NADK2: variants seen among roughly 807,000 people sequenced by gnomAD.
NADK2 encodes NAD kinase 2, mitochondrial, also known as NAD kinase domain-containing protein 1, mitochondrial.
NADK2 carries 35 observed loss-of-function variants against 62.1 expected under a neutral mutation model. The observed-to-expected ratio is 0.56, with a 90% CI of 0.43 to 0.75. NADK2 has a LOEUF of 0.75. NADK2 is among the 30% of genes least tolerant of loss of function. The pLI is 0.00. For missense variants in NADK2, 439 were observed against 561.3 expected, an observed-to-expected ratio of 0.78 and a Z score of 2.20; for synonymous variants, 205 against 207.9, an observed-to-expected ratio of 0.99 and a Z score of 0.12.
intron 6 of NADK2, among the ~76,000 whole-genome samples, chr5:36,213,872 T>C (rs1286644766): frequency 2.6e-5 from 4 of 152,084 alleles, no homozygotes; most frequent in South Asian, 2.1e-4. Flanking sequence ...ACCAGTAAAT[T>C]TGAGCTCTCA....
intron 9 of NADK2, 37 bp from the exon 10 acceptor site, chr5:36,200,317 A>AAT (rs372501096): frequency 1.1e-4 from 161 of 1,408,540 alleles, no homozygotes; most frequent in Middle Eastern, 2.1e-4. Context: ...GTATGTTATA[A>AAT]ATATATATAT....
chr5:36,202,975 CAA>C (rs1311768555), intron 8 of NADK2, among the ~76,000 whole-genome samples: 1 of 151,886 alleles, frequency 6.6e-6, no homozygotes, highest in Non-Finnish European at 1.5e-5. Context: ...ATATTGAAAG[CAA>C]AGACTAATTA....
chr5:36,226,257 A>G (rs1747478522), intron 3 of NADK2, among the ~76,000 whole-genome samples: 1 of 152,190 alleles, frequency 6.6e-6, no homozygotes, highest in Non-Finnish European at 1.5e-5. Context: ...AGTTAAATGC[A>G]TACCTTAAAT....
chr5:36,225,333 T>C (rs574599472), intron 4 of NADK2, among the ~76,000 whole-genome samples: 7 of 152,308 alleles, frequency 4.6e-5, no homozygotes, highest in Admixed American at 3.3e-4. Flanking sequence ...TGCTTCCACT[T>C]AGACACCATA....
intron 4 of NADK2, 38 bp from the exon 5 acceptor site, chr5:36,219,717 GA>G: frequency 6.5e-7 from 1 of 1,531,196 alleles, no homozygotes; most frequent in South Asian, 1.2e-5. Context: ...ATATAAAGAG[GA>G]AAAGAAAAAA....
chr5:36,213,100 T>C (rs796070405), intron 6 of NADK2: 2 of 152,370 alleles, frequency 1.3e-5, no homozygotes, highest in African/African-American at 4.8e-5. Flanking sequence ...AGCCATGTGA[T>C]GAGCTAAAAA....
intron 9 of NADK2, 94 bp from the exon 10 acceptor site, chr5:36,200,374 G>A: frequency 1.6e-6 from 1 of 610,778 alleles, no homozygotes; most frequent in Non-Finnish European, 2.4e-6. Flanking sequence ...TGCTTAAAGT[G>A]TATATGTGTT....
chr5:36,217,958 C>T, intron 5 of NADK2, 74 bp from the exon 6 acceptor site: 1 of 1,375,894 alleles, frequency 7.3e-7, no homozygotes, highest in East Asian at 2.5e-5. Context: ...AATAATTTAA[C>T]CAAATTAAAT....
chr5:36,195,135 G>A lies in NADK2; in HGVS notation c.*9C>T. On this transcript the variant is annotated 3_prime_UTR_variant, in exon 12 of 12. Coordinates refer to ENST00000381937, the MANE Select transcript of NADK2 (RefSeq NM_001085411.3). ...CGCCAGTAATCAAAATTTGTCATGA[G>A]GAAATCCTTCACTGTTCAAGAAGCA... 1 of 1,593,340 alleles carries A rather than the reference G, an allele frequency of 6.3e-7. No homozygotes were observed. Among genetic ancestry groups the A allele is most frequent in the African/African-American group, 1.4e-5 (1 of 73,638 alleles).
intron 2 of NADK2, among the ~76,000 whole-genome samples, chr5:36,227,247 T>C (rs1747516648): frequency 6.6e-6 from 1 of 152,174 alleles, no homozygotes; most frequent in Non-Finnish European, 1.5e-5. Flanking sequence ...AGAAGATGCA[T>C]TTCTCTGGAA....
At chr5:36,237,478 G>C (rs1044718872) in intron 1 of NADK2, among the ~76,000 whole-genome samples, 2 of 152,174 alleles carry the variant, frequency 1.3e-5, no homozygotes, top group Non-Finnish European at 2.9e-5. Context: ...ATTGATAACA[G>C]TTACTTCCAG....
At chr5:36,233,083 T>A (rs11952182) in intron 1 of NADK2, among the ~76,000 whole-genome samples, 1 of 152,208 alleles carries the variant, frequency 6.6e-6, no homozygotes. Flanking sequence ...CAGTCAGTAG[T>A]GAAGTCAAAT....
chr5:36,229,631 T>A (rs1198519224), intron 1 of NADK2, among the ~76,000 whole-genome samples: 3 of 151,728 alleles, frequency 2.0e-5, no homozygotes, highest in Non-Finnish European at 4.4e-5. Context: ...TTCACGGCTT[T>A]AAAAGAGATC....
In NADK2 at chr5:36,193,474, CAAAAAAAAAA is replaced by C. The variant is rs35678845; in HGVS notation, c.*1660_*1669del. On this transcript the variant is annotated 3_prime_UTR_variant, in exon 12 of 12. Transcript: ENST00000381937. ...GGGTGACAAAGCAAGACTCCGTTCT[CAAAAAAAAAA>C]AAAAAAAAAAAGAAGGTATTTTAAG... The C allele has an allele frequency of 5.0e-5, 3 of 60,434 alleles. No homozygotes were observed. The highest frequency in any genetic ancestry group is 6.7e-5 in the Non-Finnish European group (2 of 29,654). 3.7% of individuals were successfully genotyped at this position (60,434 alleles called of 1,614,324 possible). A position where few individuals can be genotyped will look rare whatever the true frequency, so the allele number is the denominator to read the frequency against.
intron 1 of NADK2, among the ~76,000 whole-genome samples, chr5:36,229,268 G>A (rs975825401): frequency 2.8e-4 from 43 of 152,248 alleles, no homozygotes; most frequent in African/African-American, 1.0e-3. Context: ...TTAATTAATA[G>A]ATGTTAACTT....
In NADK2 at chr5:36,205,423, G is replaced by A. The variant is rs183166917; in HGVS notation, c.956+1747C>T. ...ATTGAGCAAAAATAAAAAGCCAAGC[G>A]AGAACAAAAAGTGTGCTGAGAATTG... On this transcript the variant is annotated intron_variant, in intron 8 of 11. Coordinates refer to ENST00000381937, the MANE Select transcript of NADK2 (RefSeq NM_001085411.3). This position sits in a 1 kb window ranked among gnomAD's most constrained non-coding sequence, Gnocchi z 4.1. 5.8e-4 allele frequency among the ~76,000 whole-genome samples: 89 copies of A among 152,160 alleles called. No homozygotes were observed. The highest frequency in any genetic ancestry group is 3.4e-3 in the Middle Eastern group (1 of 294).
chr5:36,213,701 C>T (rs1157093419), intron 6 of NADK2, among the ~76,000 whole-genome samples: 1 of 146,832 alleles, frequency 6.8e-6, no homozygotes, highest in Non-Finnish European at 1.5e-5. Context: ...GTCTTAGGTA[C>T]TACATATATT....
rs1040694187 is a variant in NADK2 at position 36,193,109 on chromosome 5, G to A, written c.*2035C>T. 1 of 151,794 alleles carries A rather than the reference G, an allele frequency of 6.6e-6. No homozygotes were observed. The highest frequency in any genetic ancestry group is 1.5e-5 in the Non-Finnish European group (1 of 68,028). 9.4% of individuals were successfully genotyped at this position (151,794 alleles called of 1,614,324 possible). A position where few individuals can be genotyped will look rare whatever the true frequency, so the allele number is the denominator to read the frequency against. ...TACACAGCAAGTTACCTATTAATAT[G>A]TTACATATTAACAGATCTATTTGGA... is the stretch of plus-strand genomic sequence containing the variant. On this transcript the variant is annotated 3_prime_UTR_variant, in exon 12 of 12. Coordinates refer to ENST00000381937, the MANE Select transcript of NADK2 (RefSeq NM_001085411.3).
rs16902836 is a variant in NADK2, at chr5:36,226,998, C to T, written c.390-435G>A. Among the ~76,000 whole-genome samples, 1,858 of 152,150 alleles carry T rather than the reference C, an allele frequency of 0.012. 156 individuals are homozygous for T. In the East Asian group the frequency reaches 0.21, roughly 17 times the overall value. On this transcript the variant is annotated intron_variant, in intron 2 of 11. Coordinates refer to ENST00000381937, the MANE Select transcript of NADK2 (RefSeq NM_001085411.3). ...CAAATATTCATTGAGTACCAGACAC[C>T]GGAATAGTGACTAAATACTTTGTAA... is the stretch of plus-strand genomic sequence containing the variant.
Sources: allele counts gnomAD v4.1 joint callset (sites outside exome capture counted in the v4.1 genomes callset), GRCh38; gene constraint gnomAD v4.1.1; non-coding constraint Gnocchi (gnomAD v3.1); transcripts MANE v1.5; gene names NCBI Gene and HGNC (gene_info 2026-07-23, HGNC 2026-07-21).